The following SH3GL3 variants were observed in gnomAD, a reference collection of about 807,000 sequenced individuals.
SH3GL3 encodes SH3 domain containing GRB2 like 3, endophilin A3, also known as endophilin-A3.
Under a neutral mutation model 47.7 loss-of-function variants are expected in SH3GL3, and 33 were observed. The ratio of observed to expected loss-of-function variants is 0.69; its 90% confidence interval spans 0.52 to 0.92. The LOEUF (loss-of-function observed/expected upper bound fraction) is 0.92. Among genes scored for constraint, SH3GL3 ranks in the 40% least tolerant of loss-of-function variants. The probability of loss-of-function intolerance (pLI) is 0.00; values close to 1 mark genes in which losing one functional copy is unlikely to be tolerated. For synonymous variants in SH3GL3, 155 were observed against 148.8 expected, an observed-to-expected ratio of 1.04 and a Z score of -0.30; for missense variants, 363 against 417.8, an observed-to-expected ratio of 0.87 and a Z score of 1.14.
chr15:83,605,969 C>G (rs1307517463), intron 8 of SH3GL3, among the ~76,000 whole-genome samples: 3 of 152,186 alleles, frequency 2.0e-5, no homozygotes, highest in Admixed American at 2.0e-4. Flanking sequence ...TGTATCAGGT[C>G]CCAGGTTGTC....
At chr15:83,492,646 G>C (rs2041921864) in intron 1 of SH3GL3, among the ~76,000 whole-genome samples, 1 of 152,204 alleles carries the variant, frequency 6.6e-6, no homozygotes, top group African/African-American at 2.4e-5. Context: ...GGCCTAGAGA[G>C]TTAATGTCTC....
chr15:83,546,527 G>T (rs1368583314), intron 1 of SH3GL3, among the ~76,000 whole-genome samples: 1 of 152,088 alleles, frequency 6.6e-6, no homozygotes, highest in East Asian at 1.9e-4. Context: ...TTAGTTTACT[G>T]TGGCTCTGCT....
At chr15:83,553,507 A>G (rs1016033306) in intron 1 of SH3GL3, among the ~76,000 whole-genome samples, 4 of 151,768 alleles carry the variant, frequency 2.6e-5, no homozygotes, top group Admixed American at 6.6e-5. Flanking sequence ...CTCTCCCTTT[A>G]TTCTCCCTTG....
intron 1 of SH3GL3, among the ~76,000 whole-genome samples, chr15:83,477,659 A>G (rs1452678862): frequency 6.6e-6 from 1 of 152,194 alleles, no homozygotes; most frequent in Non-Finnish European, 1.5e-5. Flanking sequence ...TAGGCTTTTC[A>G]GAAATTCTAT....
the SH3GL3 span, among the ~76,000 whole-genome samples, chr15:83,627,201 T>G: frequency 3.3e-5 from 5 of 151,938 alleles, no homozygotes; most frequent in African/African-American, 7.3e-5. Context: ...ACAGAGACCA[T>G]CCTGGCTAAC....
intron 8 of SH3GL3, among the ~76,000 whole-genome samples, chr15:83,591,681 A>G (rs947272672): frequency 6.6e-6 from 1 of 151,628 alleles, no homozygotes; most frequent in African/African-American, 2.4e-5. Flanking sequence ...TTTATTTTTT[A>G]TTTTATTTAT....
chr15:83,535,012 C>T (rs2043843698), intron 1 of SH3GL3, among the ~76,000 whole-genome samples: 1 of 151,944 alleles, frequency 6.6e-6, no homozygotes, highest in Admixed American at 6.6e-5. Context: ...CTTCTTAATT[C>T]TTATAATGAA....
intron 8 of SH3GL3, among the ~76,000 whole-genome samples, chr15:83,614,853 C>T (rs1952039648): frequency 6.6e-6 from 1 of 152,162 alleles, no homozygotes; most frequent in African/African-American, 2.4e-5. Flanking sequence ...CTCTTGTCTT[C>T]CTCCTCCCAT....
At chr15:83,565,755 A>G (rs985108888) in intron 3 of SH3GL3, 5 of 152,178 alleles carry the variant, frequency 3.3e-5, no homozygotes, top group African/African-American at 1.2e-4. Flanking sequence ...GTTGTAAATT[A>G]TAGGAACCAA....
intron 8 of SH3GL3, among the ~76,000 whole-genome samples, chr15:83,609,725 T>G (rs954828338): frequency 2.0e-5 from 3 of 152,150 alleles, no homozygotes; most frequent in Non-Finnish European, 4.4e-5. Flanking sequence ...ACAAAAGAGC[T>G]GTGAGTTTTA....
intron 8 of SH3GL3, among the ~76,000 whole-genome samples, chr15:83,613,419 G>A (rs901301804): frequency 6.6e-6 from 1 of 152,196 alleles, no homozygotes; most frequent in Non-Finnish European, 1.5e-5. Context: ...TGCCAAGAAT[G>A]AATGACATGA....
At chr15:83,473,704 C>A (rs1344445319) in intron 1 of SH3GL3, among the ~76,000 whole-genome samples, 3 of 151,834 alleles carry the variant, frequency 2.0e-5, no homozygotes, top group Non-Finnish European at 4.4e-5. Context: ...CCCGCCACCA[C>A]GTCCGGCTAA....
intron 1 of SH3GL3, among the ~76,000 whole-genome samples, chr15:83,554,365 T>C (rs897623254): frequency 3.3e-5 from 5 of 152,118 alleles, no homozygotes; most frequent in African/African-American, 1.2e-4. Context: ...TTTTGTGTTT[T>C]TAGTAGAGAC....
chr15:83,610,536 A>AAAAAGG (rs568963111), intron 8 of SH3GL3, among the ~76,000 whole-genome samples: 1 of 152,224 alleles, frequency 6.6e-6, no homozygotes, highest in Admixed American at 6.5e-5. Context: ...TCAAAAAAGA[A>AAAAAGG]AAAAGGAAAA....
At chr15:83,549,390 A>G (rs1395404176) in intron 1 of SH3GL3, among the ~76,000 whole-genome samples, 12 of 152,206 alleles carry the variant, frequency 7.9e-5, no homozygotes, top group Admixed American at 7.2e-4. Context: ...CTGGCGGATA[A>G]TGAGGGTAAA....
intron 1 of SH3GL3, among the ~76,000 whole-genome samples, chr15:83,540,703 A>G (rs1043388831): frequency 6.6e-6 from 1 of 152,138 alleles, no homozygotes; most frequent in Non-Finnish European, 1.5e-5. Context: ...GGCATACAAT[A>G]AGTAAGGATT....
chr15:83,596,163 A>G (rs1380636124), intron 8 of SH3GL3, among the ~76,000 whole-genome samples: 1 of 152,192 alleles, frequency 6.6e-6, no homozygotes, highest in Non-Finnish European at 1.5e-5. Context: ...TATCATTTCC[A>G]CATATGTGGA....
intron 1 of SH3GL3, among the ~76,000 whole-genome samples, chr15:83,513,262 T>TAA (rs2042844676): frequency 6.6e-6 from 1 of 152,212 alleles, no homozygotes. Flanking sequence ...TGTGGGATGT[T>TAA]AATTACTTGG....
intron 3 of SH3GL3, chr15:83,565,823 G>A (rs2045508022): frequency 6.6e-6 from 1 of 152,132 alleles, no homozygotes; most frequent in African/African-American, 2.4e-5. Context: ...TCCTTTTTAG[G>A]AATTTATTAT....
Sources: gnomAD v4.1 joint callset for allele counts (sites outside exome capture counted in the v4.1 genomes callset) on GRCh38, gnomAD v4.1.1 for gene constraint, MANE v1.5 for transcripts, NCBI Gene and HGNC (gene_info 2026-07-23, HGNC 2026-07-21) for gene names.